Variants in KCNMA1 observed in about 807,000 individuals in gnomAD.
The protein encoded by KCNMA1 is Calcium-activated potassium channel subunit alpha-1.
A neutral mutation model predicts 140.0 loss-of-function variants in KCNMA1; 29 were observed. The observed-to-expected ratio is 0.21, with a 90% CI of 0.15 to 0.28. The LOEUF (loss-of-function observed/expected upper bound fraction) is 0.28, where lower values mean the gene tolerates loss of function less well. KCNMA1 is among the 10% of genes least tolerant of loss of function. KCNMA1 has a pLI of 1.00. For missense variants in KCNMA1, 880 were observed against 1,602.2 expected, an observed-to-expected ratio of 0.55 and a Z score of 7.70; for synonymous variants, 612 against 611.9, an observed-to-expected ratio of 1.00 and a Z score of 0.00.
intron 5 of KCNMA1, among the ~76,000 whole-genome samples, chr10:77,154,325 T>C (rs2098458573): frequency 6.6e-6 from 1 of 152,162 alleles, no homozygotes; most frequent in Non-Finnish European, 1.5e-5. Context: ...AGTGTAAGAA[T>C]GGACTAATAC....
chr10:77,249,332 C>T (rs1175481530), intron 3 of KCNMA1: 1 of 152,180 alleles, frequency 6.6e-6, no homozygotes, highest in Non-Finnish European at 1.5e-5. Flanking sequence ...TGGGGAATTT[C>T]ATTCCTTTTC....
chr10:77,577,638 A>C (rs1403456238), intron 1 of KCNMA1, among the ~76,000 whole-genome samples: 1 of 152,216 alleles, frequency 6.6e-6, no homozygotes, highest in African/African-American at 2.4e-5. Flanking sequence ...CACTCATTCC[A>C]TCCTCACAAC....
chr10:77,087,442 C>T (rs2096717820), intron 10 of KCNMA1, among the ~76,000 whole-genome samples: 1 of 152,164 alleles, frequency 6.6e-6, no homozygotes, highest in Admixed American at 6.5e-5. Context: ...CTAATACAAT[C>T]AAGGATTAGC....
At chr10:76,917,978 A>G (rs2053670221) in intron 23 of KCNMA1, among the ~76,000 whole-genome samples, 1 of 152,212 alleles carries the variant, frequency 6.6e-6, no homozygotes, top group Non-Finnish European at 1.5e-5. Context: ...TTGATGCCAT[A>G]GGATGGTGTC....
intron 5 of KCNMA1, among the ~76,000 whole-genome samples, chr10:77,168,402 A>C (rs1217007698): frequency 6.6e-6 from 1 of 152,200 alleles, no homozygotes; most frequent in Non-Finnish European, 1.5e-5. Context: ...AACATCATAA[A>C]GTACACTTAG....
chr10:77,188,760 AACAGACCTTCCC>A (rs1301914956), intron 3 of KCNMA1, among the ~76,000 whole-genome samples: 4 of 152,210 alleles, frequency 2.6e-5, no homozygotes, highest in Non-Finnish European at 5.9e-5. Context: ...AGGATGATCC[AACAGACCTTCCC>A]AAAGACTGAC....
At chr10:77,478,305 G>T (rs1466270806) in intron 1 of KCNMA1, among the ~76,000 whole-genome samples, 1 of 152,196 alleles carries the variant, frequency 6.6e-6, no homozygotes, top group African/African-American at 2.4e-5. Context: ...GTCAACCCCT[G>T]AACTACTTAT....
chr10:77,393,684 G>A (rs1326974684), intron 2 of KCNMA1, among the ~76,000 whole-genome samples: 3 of 152,210 alleles, frequency 2.0e-5, no homozygotes, highest in Non-Finnish European at 2.9e-5. Flanking sequence ...GGCAATGCAA[G>A]AGCTGAAGTG....
At chr10:77,619,953 C>T (rs993083854) in intron 1 of KCNMA1, among the ~76,000 whole-genome samples, 5 of 152,266 alleles carry the variant, frequency 3.3e-5, no homozygotes, top group Admixed American at 3.3e-4. Flanking sequence ...ACTGGGGCCA[C>T]CCCCAGCCTT....
chr10:77,296,923 T>G (rs1455658887), intron 2 of KCNMA1, among the ~76,000 whole-genome samples: 1,300 of 109,264 alleles, frequency 0.012, 1 homozygote, highest in Admixed American at 0.022. Context: ...GGGGGGGCGG[T>G]GGGGGAATGT....
chr10:77,192,305 T>C (rs1263593403), intron 3 of KCNMA1, among the ~76,000 whole-genome samples: 1 of 152,206 alleles, frequency 6.6e-6, no homozygotes. Context: ...CTTTTGTTTG[T>C]TATGAAGTTC....
intron 2 of KCNMA1, among the ~76,000 whole-genome samples, chr10:77,269,509 A>T (rs750550044): frequency 9.9e-5 from 15 of 151,972 alleles, no homozygotes; most frequent in Non-Finnish European, 1.9e-4. Context: ...AGTTTTTAAA[A>T]CCTGGATTGT....
At chr10:77,598,899 C>T (rs2619634) in intron 1 of KCNMA1, among the ~76,000 whole-genome samples, 15,011 of 152,280 alleles carry the variant, frequency 0.099, 958 homozygotes, top group Middle Eastern at 0.17. Flanking sequence ...AGGCAGACAA[C>T]GAAAAGCTGG....
At chr10:76,897,005 G>GA (rs1279803336) in intron 25 of KCNMA1, among the ~76,000 whole-genome samples, 1 of 109,988 alleles carries the variant, frequency 9.1e-6, no homozygotes, top group Non-Finnish European at 1.8e-5. Flanking sequence ...TATTAGAGGT[G>GA]AAAATTACAC....
chr10:77,607,575 C>G (rs1439453622), intron 1 of KCNMA1, among the ~76,000 whole-genome samples: 1 of 152,092 alleles, frequency 6.6e-6, no homozygotes, highest in East Asian at 1.9e-4. Flanking sequence ...AGATTTGACA[C>G]AGAAGAGAAA....
intron 1 of KCNMA1, among the ~76,000 whole-genome samples, chr10:77,506,594 A>AGT (rs756755351): frequency 6.8e-5 from 6 of 88,646 alleles, no homozygotes; most frequent in Non-Finnish European, 9.7e-5. Flanking sequence ...AGAGAGAGAG[A>AGT]GAGTGTGTGT....
chr10:76,979,661 T>C (rs1472201210), intron 19 of KCNMA1: 1 of 152,232 alleles, frequency 6.6e-6, no homozygotes, highest in Non-Finnish European at 1.5e-5. Flanking sequence ...AACCATAAGA[T>C]GTTATATAAA....
chr10:77,135,421 T>C (rs901281653), intron 5 of KCNMA1, among the ~76,000 whole-genome samples: 51 of 152,146 alleles, frequency 3.4e-4, no homozygotes, highest in African/African-American at 1.2e-3. Flanking sequence ...TTTTCCATTA[T>C]GGAAAAAGGT....
intron 3 of KCNMA1, among the ~76,000 whole-genome samples, chr10:77,208,134 C>A (rs187417783): frequency 6.6e-6 from 1 of 152,238 alleles, no homozygotes; most frequent in Non-Finnish European, 1.5e-5. Flanking sequence ...TCTGCGGATA[C>A]GCATCAGCTT....
Sources: allele counts gnomAD v4.1 joint callset (sites outside exome capture counted in the v4.1 genomes callset), GRCh38; gene constraint gnomAD v4.1.1; transcripts MANE v1.5; gene names NCBI Gene and HGNC (gene_info 2026-07-23, HGNC 2026-07-21).